Variants in FASTKD3 observed in about 807,000 individuals in gnomAD.
FASTKD3 encodes the protein FAST kinase domain-containing protein 3, mitochondrial.
FASTKD3 carries 47 observed loss-of-function variants against 49.7 expected under a neutral mutation model. That is an observed-to-expected ratio of 0.95 (90% confidence interval 0.75 to 1.21). The LOEUF (loss-of-function observed/expected upper bound fraction) is 1.21. Among genes scored for constraint, FASTKD3 ranks in the 50% most tolerant of loss-of-function variants. The probability of loss-of-function intolerance (pLI) is 0.00; values close to 1 mark genes in which losing one functional copy is unlikely to be tolerated. For missense variants in FASTKD3, 748 were observed against 765.7 expected, an observed-to-expected ratio of 0.98 and a Z score of 0.27; for synonymous variants, 284 against 288.6, an observed-to-expected ratio of 0.98 and a Z score of 0.16.
In FASTKD3 at chr5:7,867,156, G is replaced by C; in HGVS notation, c.928C>G (p.Gln310Glu). 3 of 1,614,128 alleles carry C rather than the reference G, an allele frequency of 1.9e-6. No homozygotes were observed. The highest frequency in any genetic ancestry group is 1.7e-6 in the Non-Finnish European group (2 of 1,180,034). ...AATTTTATAATCAGAGGAAATGCTTGACTTTGATCAAGAACCACCAGGGCA... is the reference window on the plus strand; with the variant it reads ...AATTTTATAATCAGAGGAAATGCTTCACTTTGATCAAGAACCACCAGGGCA... ...LTALVVLDQSQAFPLIIKLGK... is the reference protein window; with the variant it reads ...LTALVVLDQSEAFPLIIKLGK... The change falls in exon 2 of 7, where the codon CAA (glutamine) becomes GAA (glutamate). Residue 310 changes from glutamine (Q) to glutamate (E), a missense_variant. Around this residue, in one of 3 missense-constraint regions of FASTKD3, gnomAD observed 564 missense variants for 562.8 expected, o/e 1.00. Coordinates refer to ENST00000264669, the MANE Select transcript of FASTKD3 (RefSeq NM_024091.4).
At chr5:7,866,540 A>G (rs555040423) in intron 2 of FASTKD3, 106 bp downstream of exon 2, 7 of 823,508 alleles carry the variant, frequency 8.5e-6, no homozygotes, top group South Asian at 1.7e-5. Flanking sequence ...TCGGATCACT[A>G]TGGAAGAAAA....
intron 2 of FASTKD3, 39 bp from the exon 3 acceptor site, chr5:7,866,022 T>G (rs1746920934): frequency 6.7e-7 from 1 of 1,482,090 alleles, no homozygotes; most frequent in Non-Finnish European, 9.4e-7. Context: ...TACGTCTGAA[T>G]TGAGGTATGT....
At chr5:7,868,801 G>A (rs1747278611) in intron 1 of FASTKD3, among the ~76,000 whole-genome samples, 178 bp downstream of exon 1, 1 of 152,218 alleles carries the variant, frequency 6.6e-6, no homozygotes, top group Non-Finnish European at 1.5e-5. Flanking sequence ...CAGACGGGAG[G>A]CCCCGCGGCG....
Position 7,866,959 on chromosome 5 carries a change from C to T in FASTKD3, c.1125G>A (p.Met375Ile), listed in dbSNP as rs1481895918. 1 of 1,614,076 alleles carries T rather than the reference C, an allele frequency of 6.2e-7. No homozygotes were observed. The highest frequency in any genetic ancestry group is 1.3e-5 in the African/African-American group (1 of 74,922). ...TLDPEVVCRV[M>I]EYCSRELILS... ...GAATCAGTTCTCTACTGCAGTACTC[C>T]ATGACCCTGCAGACAACTTCAGGAT... The change falls in exon 2 of 7, where the codon ATG (methionine) becomes ATA (isoleucine). Residue 375 changes from methionine (M) to isoleucine (I), a missense_variant. Physicochemically the swap from Met to Ile is conservative, Grantham distance 10. This residue lies in a region of FASTKD3 where 564 missense variants were observed against 562.8 expected (regional missense o/e 1.00). Transcript: ENST00000264669.
At chr5:7,859,922 C>A (rs1327038844) in intron 6 of FASTKD3, among the ~76,000 whole-genome samples, 2 of 151,958 alleles carry the variant, frequency 1.3e-5, no homozygotes, top group Non-Finnish European at 2.9e-5. Flanking sequence ...GGGATGCCGA[C>A]AAACTGCTGG....
intron 3 of FASTKD3, among the ~76,000 whole-genome samples, chr5:7,863,961 T>C (rs1252480015): frequency 6.6e-6 from 1 of 152,208 alleles, no homozygotes; most frequent in African/African-American, 2.4e-5. Flanking sequence ...GCGATTCTCC[T>C]AACTCAGAGT....
intron 6 of FASTKD3, among the ~76,000 whole-genome samples, chr5:7,860,088 A>G (rs1746424224): frequency 6.6e-6 from 1 of 152,186 alleles, no homozygotes; most frequent in Non-Finnish European, 1.5e-5. Flanking sequence ...CAGGCCAACC[A>G]TTGGAGGGTC....
rs1747057276 is a variant in FASTKD3, at chr5:7,867,422, A to G, written c.662T>C (p.Leu221Pro). 6.2e-7 allele frequency: 1 copy of G among 1,614,092 alleles called. No homozygotes were observed. Among genetic ancestry groups the G allele is most frequent in the Admixed American group, 1.7e-5 (1 of 60,008 alleles). ...GTGCAGTGTAATCAGACTTTCCCCA[A>G]GAATACAAAGATTGCGAACTTCCAT... ...GGMEVRNLCILGESLITLHSS... is the reference protein window; with the variant it reads ...GGMEVRNLCIPGESLITLHSS... Residue 221 changes from leucine (L) to proline (P), a missense_variant, in exon 2 of 7, where the codon CTT becomes CCT. Leu to Pro is a moderately conservative substitution (Grantham distance 98). Around this residue, in one of 3 missense-constraint regions of FASTKD3, gnomAD observed 564 missense variants for 562.8 expected, o/e 1.00. Coordinates refer to ENST00000264669, the MANE Select transcript of FASTKD3 (RefSeq NM_024091.4).
chr5:7,863,480 T>G (rs891750881), intron 3 of FASTKD3, among the ~76,000 whole-genome samples: 2 of 152,220 alleles, frequency 1.3e-5, no homozygotes, highest in African/African-American at 4.8e-5. Flanking sequence ...AAAATGCTCA[T>G]GAAGCATTCT....
In FASTKD3 at chr5:7,860,620, G is replaced by A. The variant is rs181848089; in HGVS notation, c.1884+529C>T. ...AACAACGTTGGGATTTAAACTAGAC[G>A]TAAGATCGGTGGTCCACTGGGCTGG... is the stretch of plus-strand genomic sequence containing the variant. On this transcript the variant is annotated intron_variant, in intron 6 of 6. Transcript: ENST00000264669. 4.1e-3 allele frequency among the ~76,000 whole-genome samples: 618 copies of A among 152,300 alleles called. 9 individuals carry two copies. Among genetic ancestry groups the A allele is most frequent in the African/African-American group, 0.014 (577 of 41,570 alleles).
chr5:7,866,543 G>A (rs1018211921), intron 2 of FASTKD3, 103 bp downstream of exon 2: 2 of 848,726 alleles, frequency 2.4e-6, no homozygotes, highest in Non-Finnish European at 3.7e-6. Context: ...GATCACTATG[G>A]AAGAAAAACT....
chr5:7,863,091 A>G, intron 3 of FASTKD3, 94 bp from the exon 4 acceptor site: 1 of 1,066,228 alleles, frequency 9.4e-7, no homozygotes, highest in Admixed American at 2.1e-5. Context: ...GTTTGATATA[A>G]CATTACTTTA....
rs1746370635 is a variant in FASTKD3, at chr5:7,859,379, T to C, written c.*56A>G. 1 of 1,087,482 alleles carries C rather than the reference T, an allele frequency of 9.2e-7. No individual in the cohort carries two copies. The highest frequency in any genetic ancestry group is 1.4e-6 in the Non-Finnish European group (1 of 737,782). The allele number at this position is 1,087,482 out of a possible 1,614,324, so 67.4% of individuals were successfully genotyped here. A position where few individuals can be genotyped will look rare whatever the true frequency, so the allele number is the denominator to read the frequency against. On this transcript the variant is annotated 3_prime_UTR_variant, in exon 7 of 7. Transcript: ENST00000264669. ...AATTCACATTATATTTTTCTTTTAA[T>C]ACTGAGTTCCATAAAAATGCAAGTT... is the stretch of plus-strand genomic sequence containing the variant.
chr5:7,866,072 C>T, intron 2 of FASTKD3, 89 bp from the exon 3 acceptor site: 1 of 939,018 alleles, frequency 1.1e-6, no homozygotes, highest in Admixed American at 1.8e-5. Context: ...AATTTACACA[C>T]TCCAGACAGA....
Position 7,869,012 on chromosome 5 carries a change from C to T in FASTKD3, c.-147G>A. On this transcript the variant is annotated 5_prime_UTR_variant, in exon 1 of 7. Transcript: ENST00000264669. ...GCCGGGCAATCACTCCGGGTGGTCGCGGAAGCGCCTGGGCGTCGTGGGCCT... is the reference window on the plus strand; with the variant it reads ...GCCGGGCAATCACTCCGGGTGGTCGTGGAAGCGCCTGGGCGTCGTGGGCCT... 3 of 1,207,402 alleles carry T rather than the reference C, an allele frequency of 2.5e-6. No homozygotes were observed. Among genetic ancestry groups the T allele is most frequent in the South Asian group, 1.2e-5 (1 of 82,590 alleles). The allele number at this position is 1,207,402 out of a possible 1,614,324, so 74.8% of individuals were successfully genotyped here.
At chr5:7,865,327 T>G (rs187506623) in intron 3 of FASTKD3, among the ~76,000 whole-genome samples, 142 of 152,282 alleles carry the variant, frequency 9.3e-4, no homozygotes, top group African/African-American at 3.3e-3. Context: ...TACTCTAAAC[T>G]ATGATTCAGA....
At position 7,867,318 on chromosome 5, in the gene FASTKD3, T is replaced by C. The variant is rs757470278; in HGVS notation, c.766A>G (p.Ile256Val). ...TGCAAGATTCTATAAAGGGCCACAATATCCTCCGGGGTAAATGTTTCCAAT... is the reference window on the plus strand; with the variant it reads ...TGCAAGATTCTATAAAGGGCCACAACATCCTCCGGGGTAAATGTTTCCAAT... ...EKLETFTPED[I>V]VALYRILQAC... The change falls in exon 2 of 7, where the codon ATT becomes GTT. Residue 256 changes from isoleucine to valine, a missense_variant. Ile to Val is a conservative substitution (Grantham distance 29). Around this residue, in one of 3 missense-constraint regions of FASTKD3, gnomAD observed 564 missense variants for 562.8 expected, o/e 1.00. Transcript: ENST00000264669. The C allele has an allele frequency of 6.2e-7, 1 of 1,613,948 alleles. No individual in the cohort carries two copies. Among genetic ancestry groups the C allele is most frequent in the East Asian group, 2.2e-5 (1 of 44,880 alleles).
chr5:7,863,352 G>A (rs1248654433), intron 3 of FASTKD3: 1 of 227,158 alleles, frequency 4.4e-6, no homozygotes, highest in Non-Finnish European at 8.5e-6. Context: ...TGTCCCAAGG[G>A]TCTTAAGTAC....
intron 3 of FASTKD3, 190 bp from the exon 4 acceptor site, chr5:7,863,187 T>C (rs956140267): frequency 6.9e-6 from 4 of 583,248 alleles, no homozygotes; most frequent in Admixed American, 3.2e-5. Flanking sequence ...GCAAGTCTAA[T>C]AGTTCAAAAT....
Sources: allele counts gnomAD v4.1 joint callset (sites outside exome capture counted in the v4.1 genomes callset), GRCh38; gene constraint gnomAD v4.1.1; regional missense constraint gnomAD v4.1.1; transcripts MANE v1.5; gene names NCBI Gene and HGNC (gene_info 2026-07-23, HGNC 2026-07-21).